The following TENM1 variants were observed in gnomAD, a reference collection of about 807,000 sequenced individuals.
TENM1 encodes teneurin-1.
In TENM1, 35 loss-of-function variants were observed where a neutral mutation model predicts 174.8. The ratio of observed to expected loss-of-function variants is 0.20; its 90% confidence interval spans 0.15 to 0.27. TENM1 has a LOEUF of 0.27. TENM1 is among the 10% of genes least tolerant of loss of function. The pLI, the probability that TENM1 is intolerant of heterozygous loss-of-function variation, is 1.00. For missense variants in TENM1, 1,633 were observed against 2,130.1 expected (o/e 0.77, Z 4.59); for synonymous variants, 781 against 798.7 (o/e 0.98, Z 0.37).
chrX:125,039,866 C>T, the TENM1 span, among the ~76,000 whole-genome samples: 83 of 110,972 alleles, frequency 7.5e-4, no homozygotes, highest in Non-Finnish European at 7.6e-4. Context: ...CTTGGTAATT[C>T]CCATTTAACT....
chrX:125,072,999 T>A, the TENM1 span, among the ~76,000 whole-genome samples: 1 of 111,141 alleles, frequency 9.0e-6, no homozygotes, highest in African/African-American at 3.3e-5. Flanking sequence ...CATGCCTCAA[T>A]AGGGACTCAT....
the TENM1 span, among the ~76,000 whole-genome samples, chrX:125,036,526 C>T: frequency 5.3e-4 from 59 of 111,359 alleles, no homozygotes; most frequent in Non-Finnish European, 8.1e-4. Context: ...TATTTGTATT[C>T]AGATGCATTG....
chrX:124,813,432 A>G (rs1180859032), intron 3 of TENM1, among the ~76,000 whole-genome samples: 1 of 111,817 alleles, frequency 8.9e-6, no homozygotes, highest in Non-Finnish European at 1.9e-5. Flanking sequence ...TAAAAAATGC[A>G]CAGATACCTA....
At chrX:124,613,519 C>T (rs1341922867) in intron 11 of TENM1, among the ~76,000 whole-genome samples, 1 of 111,498 alleles carries the variant, frequency 9.0e-6, no homozygotes, top group Non-Finnish European at 1.9e-5. Context: ...GAGACAGTGG[C>T]AAATGGGAGA....
At chrX:125,195,880 C>A in the TENM1 span, among the ~76,000 whole-genome samples, 1 of 109,925 alleles carries the variant, frequency 9.1e-6, no homozygotes, top group Non-Finnish European at 1.9e-5. Flanking sequence ...AAAGAGTAAT[C>A]GCTCCCAATA....
chrX:124,827,113 C>T (rs770413029), intron 3 of TENM1, among the ~76,000 whole-genome samples: 122 of 111,549 alleles, frequency 1.1e-3, no homozygotes, highest in Middle Eastern at 9.3e-3. Context: ...TGCAGTGGCG[C>T]GATCTCAGCT....
the TENM1 span, among the ~76,000 whole-genome samples, chrX:125,201,315 T>G: frequency 8.9e-6 from 1 of 112,332 alleles, no homozygotes; most frequent in Non-Finnish European, 1.9e-5. Flanking sequence ...GTGATGATAG[T>G]TATGTATAAT....
At position 124,794,904 on chromosome X, in the gene TENM1, G is replaced by A. The variant is rs761737176; in HGVS notation, c.536-57707C>T. On this transcript the variant is annotated intron_variant, in intron 3 of 31. Transcript: ENST00000422452. ...CCACCACAGGCCCTTTGCATATGCC[G>A]GAAAGGGTCTTCCTGCCCTCACCAT... 1.7e-4 allele frequency among the ~76,000 whole-genome samples: 19 copies of A among 110,882 alleles called. No homozygotes were observed. The East Asian group carries it at 2.3e-3, about 13-fold the overall frequency.
intron 18 of TENM1, among the ~76,000 whole-genome samples, chrX:124,512,775 A>G (rs1289545820): frequency 6.3e-5 from 7 of 111,502 alleles, no homozygotes; most frequent in African/African-American, 2.3e-4. Flanking sequence ...GCCCTTAGAG[A>G]TTATACCAAT....
At chrX:124,941,910 A>G (rs1353356034) in intron 1 of TENM1, among the ~76,000 whole-genome samples, 1 of 111,911 alleles carries the variant, frequency 8.9e-6, no homozygotes, top group African/African-American at 3.2e-5. Context: ...CTTACATGGC[A>G]GCAGGCAAAA....
chrX:124,525,089 C>T (rs1295692713), intron 16 of TENM1, among the ~76,000 whole-genome samples: 1 of 111,770 alleles, frequency 8.9e-6, no homozygotes, highest in African/African-American at 3.2e-5. Flanking sequence ...CTTCCTATGA[C>T]ATTTATTATA....
intron 1 of TENM1, among the ~76,000 whole-genome samples, chrX:124,931,071 T>C (rs965180762): frequency 9.1e-6 from 1 of 110,396 alleles, no homozygotes; most frequent in African/African-American, 3.3e-5. Flanking sequence ...CAAGATCTAC[T>C]GGAAAATGCA....
intron 6 of TENM1, among the ~76,000 whole-genome samples, chrX:124,665,271 C>T (rs1038415327): frequency 6.3e-5 from 7 of 111,267 alleles, no homozygotes; most frequent in African/African-American, 2.0e-4. Flanking sequence ...ACCCGGGAGG[C>T]GGAAGTTGCG....
intron 14 of TENM1, among the ~76,000 whole-genome samples, chrX:124,557,356 A>T (rs1340684031): frequency 9.0e-6 from 1 of 111,704 alleles, no homozygotes; most frequent in Non-Finnish European, 1.9e-5. Context: ...ACATTATAAA[A>T]AAGTTTTACA....
chrX:124,891,653 G>C (rs1476080502), intron 3 of TENM1, among the ~76,000 whole-genome samples: 3 of 101,917 alleles, frequency 2.9e-5, no homozygotes, highest in Non-Finnish European at 6.0e-5. Context: ...GCAAGACTCT[G>C]TCAAAAAAAA....
the TENM1 span, among the ~76,000 whole-genome samples, chrX:125,101,458 C>T: frequency 8.9e-6 from 1 of 111,885 alleles, no homozygotes; most frequent in Non-Finnish European, 1.9e-5. Flanking sequence ...GTTCTGAATA[C>T]ACTAATGACT....
chrX:124,850,261 TTAAAA>T (rs1405313850), intron 3 of TENM1, among the ~76,000 whole-genome samples: 1 of 112,054 alleles, frequency 8.9e-6, no homozygotes, highest in East Asian at 2.8e-4. Context: ...TTTCAGTGAC[TTAAAA>T]TAAAAACCCA....
chrX:124,658,709 A>C, intron 6 of TENM1, among the ~76,000 whole-genome samples: 1 of 112,314 alleles, frequency 8.9e-6, no homozygotes, highest in South Asian at 3.7e-4. Context: ...TGAGAAATAC[A>C]TTACTTGTAT....
rs910155122 is a variant in TENM1, at chrX:124,645,870, C to A, written c.1682-533G>T. On this transcript the variant is annotated intron_variant, in intron 9 of 31. Transcript: ENST00000422452. ...ATTAAAACTATGCACTTTTTGAGGA[C>A]AAGGCCTGTATTTTTTGTCTTATTG... Among the ~76,000 whole-genome samples the A allele has an allele frequency of 3.6e-5, 4 of 111,295 alleles. No individual in the cohort carries two copies. The East Asian group carries it at 1.1e-3, about 31-fold the overall frequency.
Sources: gnomAD v4.1 joint callset for allele counts (sites outside exome capture counted in the v4.1 genomes callset) on GRCh38, gnomAD v4.1.1 for gene constraint, MANE v1.5 for transcripts, NCBI Gene and HGNC (gene_info 2026-07-23, HGNC 2026-07-21) for gene names.